The following SH3D19 variants were observed in gnomAD, a reference collection of about 807,000 sequenced individuals.
SH3D19 encodes SH3 domain-containing protein 19.
SH3D19 carries 58 observed loss-of-function variants against 112.1 expected under a neutral mutation model. The observed-to-expected ratio is 0.52, with a 90% CI of 0.42 to 0.64. SH3D19 has a LOEUF of 0.64. Among genes scored for constraint, SH3D19 ranks in the 30% least tolerant of loss-of-function variants. The pLI is 0.00. For synonymous variants in SH3D19, 391 were observed against 448.5 expected (o/e 0.87, Z 1.62); for missense variants, 1,090 against 1,263.4 (o/e 0.86, Z 2.08).
intron 1 of SH3D19, among the ~76,000 whole-genome samples, chr4:151,281,141 C>T (rs891355675): frequency 6.6e-6 from 1 of 152,068 alleles, no homozygotes; most frequent in Non-Finnish European, 1.5e-5. Context: ...CAGATTAGAA[C>T]AAGAGAGCAG....
At chr4:151,217,090 T>A (rs1482836590) in intron 2 of SH3D19, among the ~76,000 whole-genome samples, 1 of 152,194 alleles carries the variant, frequency 6.6e-6, no homozygotes, top group Admixed American at 6.5e-5. Flanking sequence ...TTAGAAAACA[T>A]AATGCCAGAA....
chr4:151,148,820 A>G (rs1017658048), intron 10 of SH3D19, among the ~76,000 whole-genome samples: 8 of 152,176 alleles, frequency 5.3e-5, no homozygotes, highest in African/African-American at 1.7e-4. Context: ...TGGACGGATC[A>G]TGAGGTCATG....
At chr4:151,251,639 TTAAG>T (rs1219861386) in intron 1 of SH3D19, among the ~76,000 whole-genome samples, 3 of 152,210 alleles carry the variant, frequency 2.0e-5, no homozygotes, top group African/African-American at 7.2e-5. Flanking sequence ...CCTTTCCAGC[TTAAG>T]TTAGTGATTT....
Position 151,175,154 on chromosome 4 carries a change from A to G in SH3D19, c.1050T>C (p.Ser350=). The G allele has an allele frequency of 6.2e-7, 1 of 1,614,152 alleles. No homozygotes were observed. Among genetic ancestry groups the G allele is most frequent in the Middle Eastern group, 1.6e-4 (1 of 6,062 alleles). Residue 350 remains serine, a synonymous_variant, in exon 7 of 20, where the codon TCT becomes TCC. Transcript: ENST00000604030. ...TCACCTTGAGTCTGTTCTCAGTCCC[A>G]GAGTCCCACTCTCCAGAAGCTCTGT... The part of the protein sequence containing the change: ...AANRASGEWD[S]GTENRLKVTS...
intron 13 of SH3D19, among the ~76,000 whole-genome samples, chr4:151,139,509 G>C (rs915495028): frequency 6.6e-6 from 1 of 152,168 alleles, no homozygotes; most frequent in Non-Finnish European, 1.5e-5. Flanking sequence ...AATTTGCAAT[G>C]TTCATTTGTA....
chr4:151,209,435 C>T lies in SH3D19; in HGVS notation c.152+16612G>A, dbSNP rs567769438. On this transcript the variant is annotated intron_variant, in intron 2 of 19. Transcript: ENST00000604030. ...CTGGGACTACAGGTGCTCACCACCACGCCCAGCTAATTTTTTGTGTTTTTA... is the reference window on the plus strand; with the variant it reads ...CTGGGACTACAGGTGCTCACCACCATGCCCAGCTAATTTTTTGTGTTTTTA... Among the ~76,000 whole-genome samples, 18 of 152,174 alleles carry T rather than the reference C, an allele frequency of 1.2e-4. No homozygotes were observed. In the South Asian group the frequency reaches 2.1e-3, roughly 18 times the overall value.
chr4:151,212,339 C>G (rs1766099452), intron 2 of SH3D19, among the ~76,000 whole-genome samples: 1 of 152,074 alleles, frequency 6.6e-6, no homozygotes, highest in South Asian at 2.1e-4. Context: ...GAGACAGGGT[C>G]TTGCTATGTT....
intron 1 of SH3D19, among the ~76,000 whole-genome samples, chr4:151,312,019 G>C (rs1404076834): frequency 6.6e-6 from 1 of 151,960 alleles, no homozygotes; most frequent in Non-Finnish European, 1.5e-5. Context: ...AATTTGCTGA[G>C]AGAACTTAAG....
intron 1 of SH3D19, among the ~76,000 whole-genome samples, chr4:151,309,725 C>T (rs549466330): frequency 3.9e-5 from 6 of 152,364 alleles, no homozygotes; most frequent in Admixed American, 2.6e-4. Flanking sequence ...CATGACAGCT[C>T]ACTCCTGTAA....
intron 2 of SH3D19, among the ~76,000 whole-genome samples, chr4:151,201,841 G>A (rs1340237819): frequency 6.6e-6 from 1 of 150,974 alleles, no homozygotes; most frequent in Non-Finnish European, 1.5e-5. Context: ...GCGAAACTCT[G>A]TCTCTACTAA....
intron 17 of SH3D19, among the ~76,000 whole-genome samples, 180 bp from the exon 18 acceptor site, chr4:151,128,536 CAAT>C (rs1749921795): frequency 6.6e-6 from 1 of 152,074 alleles, no homozygotes; most frequent in Non-Finnish European, 1.5e-5. Context: ...TAAAAGTTTC[CAAT>C]AATTTTTTCT....
At chr4:151,296,933 A>G (rs567285554) in intron 1 of SH3D19, among the ~76,000 whole-genome samples, 3 of 152,310 alleles carry the variant, frequency 2.0e-5, no homozygotes, top group Non-Finnish European at 4.4e-5. Context: ...TTACAGAAAA[A>G]GGATTCAGAA....
chr4:151,170,563 A>G (rs1056635405), intron 7 of SH3D19: 2 of 152,162 alleles, frequency 1.3e-5, no homozygotes, highest in African/African-American at 2.4e-5. Context: ...AGTAGCTTCT[A>G]TTTGTAACCT....
chr4:151,147,326 G>T (rs576418018), intron 11 of SH3D19, among the ~76,000 whole-genome samples: 4 of 152,342 alleles, frequency 2.6e-5, no homozygotes, highest in Admixed American at 2.6e-4. Flanking sequence ...ACTCCCATTA[G>T]TATAACCCAC....
intron 2 of SH3D19, among the ~76,000 whole-genome samples, chr4:151,216,410 T>C (rs925304519): frequency 1.3e-5 from 2 of 152,214 alleles, no homozygotes; most frequent in Admixed American, 6.5e-5. Flanking sequence ...TAAGGATAGA[T>C]TGAGGGCCAC....
At chr4:151,236,918 A>C (rs1054847179) in intron 1 of SH3D19, among the ~76,000 whole-genome samples, 2 of 152,334 alleles carry the variant, frequency 1.3e-5, no homozygotes, top group Non-Finnish European at 2.9e-5. Flanking sequence ...AGCTCTCTGT[A>C]AAATGGACCA....
At chr4:151,306,110 T>C (rs1370534892) in intron 1 of SH3D19, among the ~76,000 whole-genome samples, 1 of 152,224 alleles carries the variant, frequency 6.6e-6, no homozygotes, top group Non-Finnish European at 1.5e-5. Context: ...GAGCAGATCA[T>C]TGGTTGCCAG....
intron 1 of SH3D19, among the ~76,000 whole-genome samples, chr4:151,253,756 C>A (rs1039145805): frequency 1.4e-5 from 2 of 141,352 alleles, no homozygotes; most frequent in African/African-American, 5.2e-5. Context: ...AAAAAAAAAA[C>A]AAGAAAACAA....
At chr4:151,206,191 C>T (rs1007546170) in intron 2 of SH3D19, among the ~76,000 whole-genome samples, 4 of 152,126 alleles carry the variant, frequency 2.6e-5, no homozygotes, top group African/African-American at 4.8e-5. Context: ...TTTTATCACT[C>T]CTGGGATTTA....
Sources: gnomAD v4.1 joint callset for allele counts (sites outside exome capture counted in the v4.1 genomes callset) on GRCh38, gnomAD v4.1.1 for gene constraint, MANE v1.5 for transcripts, NCBI Gene and HGNC (gene_info 2026-07-23, HGNC 2026-07-21) for gene names.